The following TMEM38B variants were observed in gnomAD, a reference collection of about 807,000 sequenced individuals.
TMEM38B encodes trimeric intracellular cation channel type B.
In TMEM38B, 24 loss-of-function variants were observed where a neutral mutation model predicts 28.7. The observed-to-expected ratio is 0.84, with a 90% confidence interval of 0.61 to 1.18. The LOEUF is 1.18. Ranked by LOEUF, TMEM38B falls within the 50% of genes most tolerant of loss-of-function variation. TMEM38B has a pLI of 0.00. For synonymous variants in TMEM38B, 131 were observed against 127.7 expected, an observed-to-expected ratio of 1.03 and a Z score of -0.17; for missense variants, 380 against 350.9, an observed-to-expected ratio of 1.08 and a Z score of -0.66.
At chr9:105,729,478 C>A (rs538902036) in intron 4 of TMEM38B, among the ~76,000 whole-genome samples, 5 of 152,304 alleles carry the variant, frequency 3.3e-5, no homozygotes, top group African/African-American at 1.2e-4. Flanking sequence ...ATTTTGGTTA[C>A]TGTAGCCTTG....
intron 5 of TMEM38B, 117 bp downstream of exon 5, chr9:105,748,307 G>T: frequency 1.4e-6 from 1 of 717,658 alleles, no homozygotes; most frequent in Non-Finnish European, 2.3e-6. Flanking sequence ...TATCTAAGAG[G>T]AATAATTTGG....
chr9:105,724,456 C>T (rs1043693090), intron 4 of TMEM38B, among the ~76,000 whole-genome samples: 1 of 151,966 alleles, frequency 6.6e-6, no homozygotes, highest in African/African-American at 2.4e-5. Context: ...AACCCCGTCT[C>T]TACTAAAAAT....
intron 2 of TMEM38B, among the ~76,000 whole-genome samples, chr9:105,709,352 A>G: frequency 6.6e-6 from 1 of 152,318 alleles, no homozygotes. Context: ...TAATGGGATC[A>G]GACAAACACG....
At chr9:105,741,915 T>C (rs536452189) in intron 4 of TMEM38B, among the ~76,000 whole-genome samples, 1 of 152,154 alleles carries the variant, frequency 6.6e-6, no homozygotes, top group Non-Finnish European at 1.5e-5. Context: ...TTGAAGGGAT[T>C]GGATGTTTGA....
At chr9:105,736,840 C>G (rs1837000799) in intron 4 of TMEM38B, among the ~76,000 whole-genome samples, 2 of 152,294 alleles carry the variant, frequency 1.3e-5, no homozygotes, top group South Asian at 4.1e-4. Flanking sequence ...GGTGTAGTTT[C>G]TGTGCAGCTT....
chr9:105,724,199 T>C (rs748350944), intron 4 of TMEM38B, among the ~76,000 whole-genome samples: 1 of 152,144 alleles, frequency 6.6e-6, no homozygotes, highest in Non-Finnish European at 1.5e-5. Flanking sequence ...GGTAGAGAAG[T>C]ATAGTTACTG....
intron 2 of TMEM38B, among the ~76,000 whole-genome samples, chr9:105,712,611 T>C (rs1263954458): frequency 2.0e-5 from 3 of 152,260 alleles, no homozygotes; most frequent in Admixed American, 1.3e-4. Flanking sequence ...AGGTCCCATT[T>C]TGTGACATTA....
chr9:105,720,839 C>T (rs982539551), intron 2 of TMEM38B, among the ~76,000 whole-genome samples: 1 of 151,842 alleles, frequency 6.6e-6, no homozygotes, highest in East Asian at 1.9e-4. Flanking sequence ...TGCTAGTATT[C>T]GAATAGATGC....
rs555597057 is a variant in TMEM38B at position 105,713,688 on chromosome 9, C to G, written c.270-7849C>G. Among the ~76,000 whole-genome samples the G allele has an allele frequency of 4.6e-5, 7 of 152,274 alleles. No homozygotes were observed. The South Asian group carries it at 1.5e-3, about 32-fold the overall frequency. On this transcript the variant is annotated intron_variant, in intron 2 of 5. Transcript: ENST00000374692. ...GGGGCGGGTTCCCAGTGAAGCCCCA[C>G]CTTCAGGCTTGGGCAGGTCTGAAGC... is the stretch of plus-strand genomic sequence containing the variant.
chr9:105,774,825 A>G lies in TMEM38B; in HGVS notation c.*745A>G, dbSNP rs963670543. The stretch of plus-strand genomic sequence containing the variant: ...AAAAATCAAGGGTGTAATTTTTAAT[A>G]AATTGTTAATCCTATGTTTTGTAAT... On this transcript the variant is annotated 3_prime_UTR_variant, in exon 6 of 6. Coordinates refer to ENST00000374692, the MANE Select transcript of TMEM38B (RefSeq NM_018112.3). The G allele has an allele frequency of 9.9e-5, 15 of 151,974 alleles. No homozygotes were observed. Among genetic ancestry groups the G allele is most frequent in the African/African-American group, 3.6e-4 (15 of 41,418 alleles). 9.4% of individuals were successfully genotyped at this position (151,974 alleles called of 1,614,324 possible). A position where few individuals can be genotyped will look rare whatever the true frequency, so the allele number is the denominator to read the frequency against.
chr9:105,767,910 C>T (rs1029433026), intron 5 of TMEM38B, among the ~76,000 whole-genome samples: 7 of 151,986 alleles, frequency 4.6e-5, no homozygotes, highest in East Asian at 1.9e-4. Flanking sequence ...CTTTTCAACC[C>T]GGATGCTGTT....
intron 5 of TMEM38B, chr9:105,759,433 G>C: frequency 6.4e-7 from 1 of 1,559,014 alleles, no homozygotes; most frequent in Non-Finnish European, 8.7e-7. Context: ...AGGATTTCAA[G>C]AAAGATGTGC....
chr9:105,759,387 A>G (rs1588466473), intron 5 of TMEM38B: 4 of 1,450,004 alleles, frequency 2.8e-6, no homozygotes, highest in East Asian at 2.3e-5. Context: ...AAAAAGAAGA[A>G]TAAGATTCTA....
intron 1 of TMEM38B, among the ~76,000 whole-genome samples, chr9:105,705,063 T>A (rs889257867): frequency 7.9e-5 from 12 of 152,238 alleles, no homozygotes; most frequent in Admixed American, 2.0e-4. Context: ...CTACAATTAA[T>A]AAGTAATTAG....
At chr9:105,759,761 G>T in intron 5 of TMEM38B, 2 of 1,608,322 alleles carry the variant, frequency 1.2e-6, no homozygotes, top group Non-Finnish European at 1.7e-6. Context: ...TTCCGTGCTG[G>T]TTTTAAGAGA....
At chr9:105,715,033 A>C (rs996706585) in intron 2 of TMEM38B, among the ~76,000 whole-genome samples, 1 of 152,036 alleles carries the variant, frequency 6.6e-6, no homozygotes, top group Non-Finnish European at 1.5e-5. Flanking sequence ...CCTTTCTTCC[A>C]CCCTAAGAAT....
chr9:105,760,468 A>G (rs1588468038), intron 5 of TMEM38B: 1 of 738,432 alleles, frequency 1.4e-6, no homozygotes, highest in East Asian at 2.4e-5. Context: ...TCCTTTGCCA[A>G]CTTATTCATA....
At chr9:105,703,561 C>T (rs2083304947) in intron 1 of TMEM38B, among the ~76,000 whole-genome samples, 1 of 152,096 alleles carries the variant, frequency 6.6e-6, no homozygotes, top group Admixed American at 6.5e-5. Flanking sequence ...GGGTATATAC[C>T]CAGTAATGGG....
chr9:105,750,465 A>T (rs950292679), intron 5 of TMEM38B, among the ~76,000 whole-genome samples: 1 of 152,070 alleles, frequency 6.6e-6, no homozygotes, highest in African/African-American at 2.4e-5. Context: ...CTCTACTAAA[A>T]ATATAAAAAT....
Sources: gnomAD v4.1 joint callset for allele counts (sites outside exome capture counted in the v4.1 genomes callset) on GRCh38, gnomAD v4.1.1 for gene constraint, MANE v1.5 for transcripts, NCBI Gene and HGNC (gene_info 2026-07-23, HGNC 2026-07-21) for gene names.